The following MAP3K13 variants were observed in gnomAD, a reference collection of about 807,000 sequenced individuals.
MAP3K13 encodes mitogen-activated protein kinase kinase kinase 13.
In MAP3K13, 52 loss-of-function variants were observed where a neutral mutation model predicts 104.0. The observed-to-expected ratio is 0.50, with a 90% CI of 0.40 to 0.63. The LOEUF (loss-of-function observed/expected upper bound fraction) is 0.63. Among genes scored for constraint, MAP3K13 ranks in the 20% least tolerant of loss-of-function variants. The pLI is 0.00. For synonymous variants in MAP3K13, 394 were observed against 442.2 expected, an observed-to-expected ratio of 0.89 and a Z score of 1.37; for missense variants, 914 against 1,218.5, an observed-to-expected ratio of 0.75 and a Z score of 3.72.
At chr3:185,459,422 G>A (rs753303960) in intron 7 of MAP3K13, among the ~76,000 whole-genome samples, 2 of 152,054 alleles carry the variant, frequency 1.3e-5, no homozygotes, top group Admixed American at 6.6e-5. Context: ...AATAAAGATA[G>A]TATAAAATTT....
chr3:185,410,702 A>G (rs1713390951), intron 1 of MAP3K13, among the ~76,000 whole-genome samples: 1 of 152,120 alleles, frequency 6.6e-6, no homozygotes, highest in Non-Finnish European at 1.5e-5. Context: ...TGGGAGGCCG[A>G]GGTGGGTGGA....
rs773578729 is a variant in MAP3K13, at chr3:185,480,343, T to C, written c.2613T>C (p.Asp871=). The C allele has an allele frequency of 6.2e-7, 1 of 1,614,184 alleles. No individual in the cohort carries two copies. The highest frequency in any genetic ancestry group is 8.5e-7 in the Non-Finnish European group (1 of 1,180,034). Residue 871 remains aspartate (D), a synonymous_variant, in exon 13 of 14, where the codon GAT becomes GAC. Transcript: ENST00000265026. The part of the protein sequence containing the change: ...GNTSDHSNSP[D]ELADKLEDRL... ...CCAGTGACCACTCAAACAGTCCTGA[T>C]GAGTTAGCTGATAAACTTGAAGACC...
chr3:185,418,575 A>G lies in MAP3K13; in HGVS notation c.-85-9922A>G, dbSNP rs1353068968. 28 of 1,612,202 alleles carry G rather than the reference A, an allele frequency of 1.7e-5. No individual in the cohort carries two copies. The highest frequency in any genetic ancestry group is 9.3e-6 in the Non-Finnish European group (11 of 1,179,804). On this transcript the variant is annotated intron_variant, in intron 1 of 13. Transcript: ENST00000265026. This position sits in a 1 kb window ranked among gnomAD's most constrained non-coding sequence, Gnocchi z 4.5. ...GAATTCGAGCCATAGCTCTGCCAGT[A>G]CCCCAAGACTCAGCACTGGTCTGAT... is the stretch of plus-strand genomic sequence containing the variant.
Position 185,443,315 on chromosome 3 carries a change from A to G in MAP3K13, c.660-130A>G, listed in dbSNP as rs1715424163. 3 of 610,562 alleles carry G rather than the reference A, an allele frequency of 4.9e-6. No individual in the cohort carries two copies. The Admixed American group carries it at 9.4e-5, about 19-fold the overall frequency. 37.8% of individuals were successfully genotyped at this position (610,562 alleles called of 1,614,324 possible). A position where few individuals can be genotyped will look rare whatever the true frequency, so the allele number is the denominator to read the frequency against. Reference sequence around the variant, plus strand: ...AAGTTTCCATGCTAATTTGAGAATCAGGAACTATTATCTATACACATTTTT... The same window carrying G: ...AAGTTTCCATGCTAATTTGAGAATCGGGAACTATTATCTATACACATTTTT... On this transcript the variant is annotated intron_variant, in intron 3 of 13. Transcript: ENST00000265026.
At chr3:185,464,637 T>A (rs1241331848) in intron 8 of MAP3K13, among the ~76,000 whole-genome samples, 1 of 152,228 alleles carries the variant, frequency 6.6e-6, no homozygotes, top group Admixed American at 6.5e-5. Flanking sequence ...TAATTAAACC[T>A]CTTTCCTTTA....
chr3:185,458,688 T>C (rs921717543), intron 7 of MAP3K13, among the ~76,000 whole-genome samples: 3 of 152,202 alleles, frequency 2.0e-5, no homozygotes, highest in African/African-American at 7.2e-5. Flanking sequence ...CCTGCTAAGA[T>C]CCTCTCAACG....
At chr3:185,474,603 A>G (rs1718003131) in intron 11 of MAP3K13, among the ~76,000 whole-genome samples, 1 of 152,156 alleles carries the variant, frequency 6.6e-6, no homozygotes, top group Non-Finnish European at 1.5e-5. Flanking sequence ...ACATCTATTA[A>G]TCCCCTGAGG....
intron 2 of MAP3K13, among the ~76,000 whole-genome samples, chr3:185,289,449 T>C (rs906485184): frequency 1.3e-5 from 2 of 152,186 alleles, no homozygotes; most frequent in African/African-American, 4.8e-5. Context: ...CCACCAACCT[T>C]ACCTCACCCA....
chr3:185,460,190 C>T (rs1001084362), intron 7 of MAP3K13, among the ~76,000 whole-genome samples: 5 of 152,200 alleles, frequency 3.3e-5, no homozygotes, highest in Admixed American at 6.5e-5. Context: ...CAGTGGATGC[C>T]TAAACCTTGA....
At chr3:185,390,543 G>T (rs1711979303) in intron 1 of MAP3K13, among the ~76,000 whole-genome samples, 1 of 152,026 alleles carries the variant, frequency 6.6e-6, no homozygotes, top group South Asian at 2.1e-4. Flanking sequence ...TCATTACAAA[G>T]CAGGATTTTA....
chr3:185,371,156 A>G (rs910231085), intron 1 of MAP3K13, among the ~76,000 whole-genome samples: 1 of 151,032 alleles, frequency 6.6e-6, no homozygotes, highest in Non-Finnish European at 1.5e-5. Flanking sequence ...GATTTTGTCA[A>G]AAAAAAAAGA....
chr3:185,391,944 G>A (rs141958521), intron 1 of MAP3K13, among the ~76,000 whole-genome samples: 1 of 152,242 alleles, frequency 6.6e-6, no homozygotes, highest in East Asian at 1.9e-4. Context: ...AGCATGGGTA[G>A]GTGGGGTAGG....
At chr3:185,414,993 G>T (rs917280685) in intron 1 of MAP3K13, among the ~76,000 whole-genome samples, 1 of 152,174 alleles carries the variant, frequency 6.6e-6, no homozygotes, top group Admixed American at 6.5e-5. Context: ...GCAATATAGT[G>T]AGATCCTGTC....
In MAP3K13 at chr3:185,418,448, A is replaced by G. The variant is rs1472707991; in HGVS notation, c.-85-10049A>G. The G allele has an allele frequency of 2.4e-5, 39 of 1,610,562 alleles. No individual in the cohort carries two copies. Among genetic ancestry groups the G allele is most frequent in the Non-Finnish European group, 5.1e-6 (6 of 1,178,654 alleles). On this transcript the variant is annotated intron_variant, in intron 1 of 13. Transcript: ENST00000265026. The surrounding 1 kb of genome is among the most constrained non-coding windows in gnomAD (Gnocchi z 4.5). ...TGGGTTGTGTTCACTCTACGATGCC[A>G]ACGGCGCCAGGTTTTGGTTGGTGCA...
chr3:185,448,171 T>C, intron 5 of MAP3K13: 1 of 666,844 alleles, frequency 1.5e-6, no homozygotes, highest in Non-Finnish European at 2.7e-6. Context: ...GTCACCAGTT[T>C]GGGGGACCTC....
At chr3:185,455,980 A>G (rs1179213673) in intron 7 of MAP3K13, among the ~76,000 whole-genome samples, 1 of 147,318 alleles carries the variant, frequency 6.8e-6, no homozygotes, top group Non-Finnish European at 1.5e-5. Context: ...TGAGATATAT[A>G]TATGATATAT....
intron 1 of MAP3K13, among the ~76,000 whole-genome samples, chr3:185,376,674 T>C (rs1299158047): frequency 1.3e-5 from 2 of 151,992 alleles, no homozygotes; most frequent in Non-Finnish European, 2.9e-5. Context: ...GTTTATATAA[T>C]GGTTTAGTCA....
chr3:185,415,573 ATTTC>A lies in MAP3K13; in HGVS notation c.-85-12920_-85-12917del, dbSNP rs542925721. ...CACAGTATTAAAACCAGAAGGGTTA[ATTTC>A]TTTTTTTTTTTTTTTTTTTTTTTGA... On this transcript the variant is annotated intron_variant, in intron 1 of 13. Transcript: ENST00000265026. 7.8e-3 allele frequency among the ~76,000 whole-genome samples: 926 copies of A among 119,372 alleles called. 16 individuals are homozygous for A. The highest frequency in any genetic ancestry group is 0.027 in the African/African-American group (849 of 31,108). The allele number at this position is 119,372 out of a possible 152,430, so 78.3% of individuals were successfully genotyped here.
At chr3:185,394,011 T>C (rs1409764473) in intron 1 of MAP3K13, among the ~76,000 whole-genome samples, 1 of 151,944 alleles carries the variant, frequency 6.6e-6, no homozygotes, top group Admixed American at 6.6e-5. Context: ...TCAAGGAGGT[T>C]GAGGGGGCAT....
Sources: allele counts gnomAD v4.1 joint callset (sites outside exome capture counted in the v4.1 genomes callset), GRCh38; gene constraint gnomAD v4.1.1; non-coding constraint Gnocchi (gnomAD v3.1); transcripts MANE v1.5; gene names NCBI Gene and HGNC (gene_info 2026-07-23, HGNC 2026-07-21).